The following CDH7 variants were observed in gnomAD, a reference collection of about 807,000 sequenced individuals.
CDH7 encodes the protein cadherin-7.
CDH7 carries 25 observed loss-of-function variants against 71.8 expected under a neutral mutation model. That is an observed-to-expected ratio of 0.35 (90% CI 0.25 to 0.49). The LOEUF is 0.49. Among genes scored for constraint, CDH7 ranks in the 20% least tolerant of loss-of-function variants. CDH7 has a pLI of 0.99. For synonymous variants in CDH7, 381 were observed against 363.8 expected, an observed-to-expected ratio of 1.05 and a Z score of -0.54; for missense variants, 862 against 974.6, an observed-to-expected ratio of 0.88 and a Z score of 1.54.
At chr18:65,809,286 T>C (rs1911437887) in intron 2 of CDH7, among the ~76,000 whole-genome samples, 1 of 152,196 alleles carries the variant, frequency 6.6e-6, no homozygotes, top group South Asian at 2.1e-4. Flanking sequence ...GCATATTAAA[T>C]GGTATATTGG....
At chr18:65,878,543 A>G (rs1434843345) in intron 11 of CDH7, among the ~76,000 whole-genome samples, 1 of 152,186 alleles carries the variant, frequency 6.6e-6, no homozygotes, top group Non-Finnish European at 1.5e-5. Context: ...AATTCTCAGT[A>G]GACAAGAAAG....
At chr18:65,829,748 C>A (rs1381258713) in intron 6 of CDH7, among the ~76,000 whole-genome samples, 1 of 146,636 alleles carries the variant, frequency 6.8e-6, no homozygotes, top group African/African-American at 2.5e-5. Context: ...CCTGTACCAG[C>A]AAGATGCATT....
At chr18:65,759,338 G>T (rs550789309) in intron 1 of CDH7, among the ~76,000 whole-genome samples, 2 of 150,526 alleles carry the variant, frequency 1.3e-5, no homozygotes, top group African/African-American at 4.9e-5. Flanking sequence ...TCCACCTCCC[G>T]AGTTTAAGCG....
chr18:65,772,147 G>A (rs1916562726), intron 2 of CDH7, among the ~76,000 whole-genome samples: 2 of 152,106 alleles, frequency 1.3e-5, no homozygotes, highest in African/African-American at 4.8e-5. Flanking sequence ...CATACATAAT[G>A]TTCAACAGAT....
At chr18:65,829,250 G>C (rs939325725) in intron 6 of CDH7, among the ~76,000 whole-genome samples, 1 of 151,770 alleles carries the variant, frequency 6.6e-6, no homozygotes, top group African/African-American at 2.4e-5. Flanking sequence ...CTCCTGAGCA[G>C]CTGGGACCAC....
At chr18:65,790,522 A>G (rs1415930576) in intron 2 of CDH7, among the ~76,000 whole-genome samples, 4 of 152,098 alleles carry the variant, frequency 2.6e-5, no homozygotes, top group African/African-American at 7.2e-5. Context: ...CAGGAATACT[A>G]TTTTAAAAAA....
chr18:65,766,253 T>C (rs1368810032), intron 2 of CDH7, among the ~76,000 whole-genome samples: 1 of 152,130 alleles, frequency 6.6e-6, no homozygotes, highest in African/African-American at 2.4e-5. Context: ...GACTTTCAAA[T>C]TTCGAGTCCA....
At chr18:65,867,704 G>A (rs532619657) in intron 11 of CDH7, among the ~76,000 whole-genome samples, 1 of 152,164 alleles carries the variant, frequency 6.6e-6, no homozygotes, top group East Asian at 1.9e-4. Flanking sequence ...TTAAGTTTTG[G>A]GTGTTTCTGT....
chr18:65,782,062 CTTTCTTTCTTTCTTTCT>C (rs1207423740), intron 2 of CDH7, among the ~76,000 whole-genome samples: 5 of 37,632 alleles, frequency 1.3e-4, no homozygotes, highest in African/African-American at 2.5e-4. Context: ...TCCTTCCTTC[CTTTCTTTCTTTCTTTCT>C]TTCCTTCCTT....
chr18:65,750,622 G>C (rs1309868115), upstream of CDH7: 1 of 152,284 alleles, frequency 6.6e-6, no homozygotes, highest in Non-Finnish European at 1.5e-5. Context: ...CTCCGTCTTC[G>C]CGTTCTTTTC....
intron 5 of CDH7, among the ~76,000 whole-genome samples, chr18:65,823,455 G>T (rs1912011843): frequency 6.6e-6 from 1 of 151,722 alleles, no homozygotes; most frequent in African/African-American, 2.4e-5. Context: ...AGGTTTTCTA[G>T]GCCATTATAG....
In CDH7 at chr18:65,858,022, G is replaced by T; in HGVS notation, c.1372+70G>T. 2.1e-6 allele frequency: 3 copies of T among 1,443,146 alleles called. No homozygotes were observed. In the East Asian group the frequency reaches 7.1e-5, roughly 34 times the overall value. 89.4% of individuals were successfully genotyped at this position (1,443,146 alleles called of 1,614,324 possible). A position where few individuals can be genotyped will look rare whatever the true frequency, so the allele number is the denominator to read the frequency against. On this transcript the variant is annotated intron_variant, in intron 8 of 11. Coordinates refer to ENST00000397968, the MANE Select transcript of CDH7 (RefSeq NM_004361.5). ...GTGGAGAATCGATTGTCATGAGGTT[G>T]TAAATTCAAGTTAATTAAAGTAGTT...
At chr18:65,800,288 C>T (rs1459272757) in intron 2 of CDH7, among the ~76,000 whole-genome samples, 1 of 152,054 alleles carries the variant, frequency 6.6e-6, no homozygotes, top group Non-Finnish European at 1.5e-5. Flanking sequence ...ACCATGTTAG[C>T]CAGGATGGTC....
intron 2 of CDH7, among the ~76,000 whole-genome samples, chr18:65,789,523 A>G (rs1380141125): frequency 6.6e-6 from 1 of 151,816 alleles, no homozygotes; most frequent in Non-Finnish European, 1.5e-5. Flanking sequence ...TTCTGAGCCA[A>G]TTTGCATTTT....
At chr18:65,879,796 G>GTATAATGGA (rs1334587660) in intron 11 of CDH7, among the ~76,000 whole-genome samples, 1 of 152,092 alleles carries the variant, frequency 6.6e-6, no homozygotes, top group East Asian at 1.9e-4. Context: ...CTGTCTGTAG[G>GTATAATGGA]TATAATGGAT....
chr18:65,801,077 A>G (rs1274293025), intron 2 of CDH7, among the ~76,000 whole-genome samples: 1 of 152,180 alleles, frequency 6.6e-6, no homozygotes. Context: ...TTCTACACTG[A>G]TAGCATACCC....
chr18:65,843,759 C>G (rs1389943789), intron 6 of CDH7, 53 bp from the exon 7 acceptor site: 8 of 1,447,600 alleles, frequency 5.5e-6, no homozygotes, highest in Admixed American at 2.5e-5. Flanking sequence ...AAAGGCTCTG[C>G]TTTGCTGACT....
chr18:65,839,914 C>T lies in CDH7; in HGVS notation c.982-3898C>T, dbSNP rs180794199. On this transcript the variant is annotated intron_variant, in intron 6 of 11. Coordinates refer to ENST00000397968, the MANE Select transcript of CDH7 (RefSeq NM_004361.5). ...CAACTGCCTGCCTGTTTTAGCCTGG[C>T]CCTTGAGGTAAAGATGGTTTTACAT... Among the ~76,000 whole-genome samples, 141 of 152,102 alleles carry T rather than the reference C, an allele frequency of 9.3e-4. 1 individual carries two copies. Among genetic ancestry groups the T allele is most frequent in the Middle Eastern group, 6.8e-3 (2 of 294 alleles).
chr18:65,788,214 T>A (rs1038003753), intron 2 of CDH7, among the ~76,000 whole-genome samples: 3 of 152,166 alleles, frequency 2.0e-5, no homozygotes, highest in Non-Finnish European at 4.4e-5. Flanking sequence ...TGGGCTAAAA[T>A]GAATATCCTG....
Sources: gnomAD v4.1 joint callset for allele counts (sites outside exome capture counted in the v4.1 genomes callset) on GRCh38, gnomAD v4.1.1 for gene constraint, MANE v1.5 for transcripts, NCBI Gene and HGNC (gene_info 2026-07-23, HGNC 2026-07-21) for gene names.